The following SH3BGRL2 variants were observed in gnomAD, a reference collection of about 807,000 sequenced individuals.
The protein encoded by SH3BGRL2 is SH3 domain binding glutamate rich protein like 2, also known as SH3 domain-binding glutamic acid-rich-like protein 2.
A neutral mutation model predicts 14.8 loss-of-function variants in SH3BGRL2; 21 were observed. The observed-to-expected ratio is 1.42, with a 90% CI of 1.01 to 2.05. The LOEUF (loss-of-function observed/expected upper bound fraction) is 2.05, where lower values mean the gene tolerates loss of function less well. SH3BGRL2 is among the 30% of genes most tolerant of loss of function. SH3BGRL2 has a pLI of 0.00. For synonymous variants in SH3BGRL2, 50 were observed against 47.8 expected (o/e 1.05, Z -0.19); for missense variants, 147 against 130.8 (o/e 1.12, Z -0.61).
the SH3BGRL2 span, among the ~76,000 whole-genome samples, chr6:79,590,907 A>G: frequency 3.3e-5 from 5 of 152,218 alleles, no homozygotes; most frequent in Non-Finnish European, 7.3e-5. Context: ...ATGCAGAGAT[A>G]TCTACTGCAA....
chr6:79,686,561 T>C (rs1187394174), intron 2 of SH3BGRL2, among the ~76,000 whole-genome samples: 1 of 152,202 alleles, frequency 6.6e-6, no homozygotes, highest in African/African-American at 2.4e-5. Flanking sequence ...AATTTGGCAG[T>C]CAAACTTAAT....
chr6:79,581,079 A>G, the SH3BGRL2 span, among the ~76,000 whole-genome samples: 23 of 152,314 alleles, frequency 1.5e-4, no homozygotes, highest in African/African-American at 5.1e-4. Flanking sequence ...CCCTCCCAAG[A>G]ATAACCAAGG....
At chr6:79,637,414 C>T (rs542812389) in intron 1 of SH3BGRL2, among the ~76,000 whole-genome samples, 255 of 152,052 alleles carry the variant, frequency 1.7e-3, no homozygotes, top group Non-Finnish European at 2.7e-3. Flanking sequence ...AAAATGTGGC[C>T]GGGCACAGTG....
chr6:79,682,849 C>T (rs1770014141), intron 2 of SH3BGRL2, among the ~76,000 whole-genome samples: 1 of 152,228 alleles, frequency 6.6e-6, no homozygotes, highest in Non-Finnish European at 1.5e-5. Flanking sequence ...GGCACATATA[C>T]ACCATGGAGT....
the SH3BGRL2 span, among the ~76,000 whole-genome samples, chr6:79,553,788 A>G: frequency 6.6e-6 from 1 of 152,132 alleles, no homozygotes; most frequent in African/African-American, 2.4e-5. Context: ...CCTGGCCAAC[A>G]TGGTGAAACC....
chr6:79,560,138 G>C, the SH3BGRL2 span, among the ~76,000 whole-genome samples: 1 of 152,002 alleles, frequency 6.6e-6, no homozygotes, highest in Non-Finnish European at 1.5e-5. Context: ...GGAAACTGAG[G>C]GGACCAAAAC....
chr6:79,638,316 C>T (rs931143145), intron 1 of SH3BGRL2, among the ~76,000 whole-genome samples: 1 of 152,112 alleles, frequency 6.6e-6, no homozygotes, highest in Admixed American at 6.6e-5. Flanking sequence ...GAATAACATT[C>T]CATTGAGTAT....
the SH3BGRL2 span, among the ~76,000 whole-genome samples, chr6:79,554,731 T>C: frequency 1.3e-5 from 2 of 152,156 alleles, no homozygotes; most frequent in Admixed American, 6.5e-5. Flanking sequence ...CACTTAGAAG[T>C]TGAAAATTGG....
chr6:79,597,237 A>T, the SH3BGRL2 span, among the ~76,000 whole-genome samples: 1 of 151,724 alleles, frequency 6.6e-6, no homozygotes, highest in Non-Finnish European at 1.5e-5. Context: ...AACAAAAAAA[A>T]AGAAGAAAGA....
chr6:79,669,746 G>C (rs1769735934), intron 1 of SH3BGRL2, among the ~76,000 whole-genome samples: 2 of 152,060 alleles, frequency 1.3e-5, no homozygotes. Flanking sequence ...CACCCAGCCA[G>C]GGGATTTATA....
chr6:79,577,850 G>A, the SH3BGRL2 span, among the ~76,000 whole-genome samples: 5,205 of 152,258 alleles, frequency 0.034, 137 homozygotes, highest in Non-Finnish European at 0.053. Context: ...AAGGGGTTGC[G>A]GGATTTCCCT....
the SH3BGRL2 span, among the ~76,000 whole-genome samples, chr6:79,562,153 A>T: frequency 6.6e-6 from 1 of 152,176 alleles, no homozygotes; most frequent in East Asian, 1.9e-4. Context: ...TCACAAACTC[A>T]GAGTAAGACA....
At chr6:79,645,168 A>G (rs1769115732) in intron 1 of SH3BGRL2, among the ~76,000 whole-genome samples, 1 of 151,366 alleles carries the variant, frequency 6.6e-6, no homozygotes, top group Admixed American at 6.6e-5. Context: ...AAAAAAAAAA[A>G]AATAGGTCCT....
the SH3BGRL2 span, among the ~76,000 whole-genome samples, chr6:79,557,062 G>T: frequency 6.6e-6 from 1 of 151,528 alleles, no homozygotes. Context: ...AACCATTCAT[G>T]CTTTTCTGCC....
At chr6:79,588,427 A>G in the SH3BGRL2 span, among the ~76,000 whole-genome samples, 4 of 152,110 alleles carry the variant, frequency 2.6e-5, no homozygotes, top group African/African-American at 9.7e-5. Context: ...TCCCCATCTC[A>G]GGTGATAAAA....
At chr6:79,605,661 GACAA>G in the SH3BGRL2 span, among the ~76,000 whole-genome samples, 1 of 152,178 alleles carries the variant, frequency 6.6e-6, no homozygotes, top group African/African-American at 2.4e-5. Context: ...CAAGAAGTTG[GACAA>G]ACATTTTTAT....
the SH3BGRL2 span, among the ~76,000 whole-genome samples, chr6:79,589,056 C>G: frequency 1.4e-4 from 21 of 151,998 alleles, no homozygotes; most frequent in East Asian, 4.0e-3. Context: ...ATAACCTATA[C>G]TTTAAATCAT....
At chr6:79,597,550 G>A in the SH3BGRL2 span, among the ~76,000 whole-genome samples, 51 of 152,240 alleles carry the variant, frequency 3.3e-4, no homozygotes, top group African/African-American at 1.1e-3. Flanking sequence ...ATGGTGCTGA[G>A]ACAACTGGAG....
the SH3BGRL2 span, among the ~76,000 whole-genome samples, chr6:79,548,189 A>T: frequency 6.6e-6 from 1 of 152,174 alleles, no homozygotes; most frequent in Admixed American, 6.5e-5. Context: ...TTGTATCATG[A>T]GTTTTCACTT....
Sources: gnomAD v4.1 joint callset for allele counts (sites outside exome capture counted in the v4.1 genomes callset) on GRCh38, gnomAD v4.1.1 for gene constraint, MANE v1.5 for transcripts, NCBI Gene and HGNC (gene_info 2026-07-23, HGNC 2026-07-21) for gene names.